SRRM2: variants seen among roughly 807,000 people sequenced by gnomAD.
SRRM2 encodes serine/arginine repetitive matrix 2.
SRRM2 carries 30 observed loss-of-function variants against 213.8 expected under a neutral mutation model. The ratio of observed to expected loss-of-function variants is 0.14; its 90% CI spans 0.10 to 0.19. SRRM2 has a LOEUF of 0.19. Among genes scored for constraint, SRRM2 ranks in the 10% least tolerant of loss-of-function variants. The pLI, the probability that SRRM2 is intolerant of heterozygous loss-of-function variation, is 1.00. For synonymous variants in SRRM2, 2,025 were observed against 1,377.7 expected, an observed-to-expected ratio of 1.47 and a Z score of -10.40; for missense variants, 4,904 against 3,647.0, an observed-to-expected ratio of 1.34 and a Z score of -8.88.
Position 2,762,650 on chromosome 16 carries a change from G to A in SRRM2, c.2122G>A (p.Val708Ile), listed in dbSNP as rs1480366948. ...AGGAAGATCCCGCAGTAGAAGCTTA[G>A]TTAGACGTGGAAGATCTCACTCTAG... is the stretch of plus-strand genomic sequence containing the variant. The part of the protein sequence containing the change: ...RRGRSRSRSL[V>I]RRGRSHSRTP... Residue 708 changes from valine (V) to isoleucine (I), a missense_variant, in exon 11 of 15, where the codon GTT becomes ATT. Coordinates refer to ENST00000301740, the MANE Select transcript of SRRM2 (RefSeq NM_016333.4). 6.2e-7 allele frequency: 1 copy of A among 1,614,130 alleles called. No individual in the cohort carries two copies. Among genetic ancestry groups the A allele is most frequent in the South Asian group, 1.1e-5 (1 of 91,074 alleles).
Position 2,764,306 on chromosome 16 carries a change from C to T in SRRM2, c.3778C>T (p.Leu1260Phe), listed in dbSNP as rs1280867687. The change falls in exon 11 of 15, where the codon CTT becomes TTT. Residue 1260 changes from leucine to phenylalanine, a missense_variant. Leu to Phe is a conservative substitution (Grantham distance 22). Coordinates refer to ENST00000301740, the MANE Select transcript of SRRM2 (RefSeq NM_016333.4). The stretch of plus-strand genomic sequence containing the variant: ...AATCCTGTCTCATTTGTCTTCAGAA[C>T]TTAAAGAAATGTCCACAAGTAACTT... Reference protein sequence around the residue: ...GQILSHLSSELKEMSTSNFES... With the variant: ...GQILSHLSSEFKEMSTSNFES... 1.2e-5 allele frequency: 19 copies of T among 1,614,092 alleles called. No individual in the cohort carries two copies. The highest frequency in any genetic ancestry group is 2.7e-5 in the African/African-American group (2 of 75,032).
In SRRM2 at chr16:2,763,310, A is replaced by C; in HGVS notation, c.2782A>C (p.Arg928=). ...KVKAIISPRQ[R]SHSGSSSPSP... is the part of the protein sequence containing the mutation. Reference sequence around the variant, plus strand: ...GAAGGCAATAATATCACCAAGACAAAGAAGCCATTCTGGCTCCTCTTCTCC... The same window carrying C: ...GAAGGCAATAATATCACCAAGACAACGAAGCCATTCTGGCTCCTCTTCTCC... Residue 928 remains arginine (R), a synonymous_variant, in exon 11 of 15, where the codon AGA becomes CGA. Coordinates refer to ENST00000301740, the MANE Select transcript of SRRM2 (RefSeq NM_016333.4). 1 of 1,614,074 alleles carries C rather than the reference A, an allele frequency of 6.2e-7. No individual in the cohort carries two copies. Among genetic ancestry groups the C allele is most frequent in the Non-Finnish European group, 8.5e-7 (1 of 1,179,930 alleles).
chr16:2,766,163 A>G lies in SRRM2; in HGVS notation c.5635A>G (p.Arg1879Gly). The G allele has an allele frequency of 6.2e-7, 1 of 1,614,176 alleles. No homozygotes were observed. The highest frequency in any genetic ancestry group is 8.5e-7 in the Non-Finnish European group (1 of 1,180,034). ...SPATHRRSRSRTPLISRRRSR... is the reference protein window; with the variant it reads ...SPATHRRSRSGTPLISRRRSR... ...AGCCACTCACCGGCGATCCAGGTCCAGAACCCCCCTGATAAGCCGACGTAG... is the reference window on the plus strand; with the variant it reads ...AGCCACTCACCGGCGATCCAGGTCCGGAACCCCCCTGATAAGCCGACGTAG... Residue 1879 changes from arginine (R) to glycine (G), a missense_variant, in exon 11 of 15, where the codon AGA becomes GGA. Physicochemically the swap from Arg to Gly is moderately radical, Grantham distance 125 (BLOSUM62 -2). Coordinates refer to ENST00000301740, the MANE Select transcript of SRRM2 (RefSeq NM_016333.4). This position sits in a 1 kb window ranked among gnomAD's most constrained non-coding sequence, Gnocchi z 7.0.
In SRRM2 at chr16:2,756,581, C is replaced by A; in HGVS notation, c.217C>A (p.Leu73Met). 6.2e-7 allele frequency: 1 copy of A among 1,613,422 alleles called. No individual in the cohort carries two copies. The highest frequency in any genetic ancestry group is 8.5e-7 in the Non-Finnish European group (1 of 1,179,676). The change falls in exon 2 of 15, where the codon CTG (leucine) becomes ATG (methionine). Residue 73 changes from leucine to methionine, a missense_variant. Transcript: ENST00000301740. ...GCGCGTCGAGCTGCGATGCCTCGAG[C>A]TGGAGGAGATGATGGAAGAGCAGGG... ...KRRVELRCLELEEMMEEQGYE... is the reference protein window; with the variant it reads ...KRRVELRCLEMEEMMEEQGYE...
chr16:2,757,382 A>G, intron 2 of SRRM2, 90 bp from the exon 3 acceptor site: 2 of 1,030,724 alleles, frequency 1.9e-6, no homozygotes, highest in Non-Finnish European at 3.0e-6. Context: ...ATGGAGAGGG[A>G]GGGGCCCCTT....
At position 2,761,565 on chromosome 16, in the gene SRRM2, C is replaced by T. The variant is rs149019598; in HGVS notation, c.1037C>T (p.Ser346Phe). 8.9e-4 allele frequency: 1,333 copies of T among 1,503,058 alleles called. 3 individuals are homozygous for T. Among genetic ancestry groups the T allele is most frequent in the Non-Finnish European group, 1.1e-3 (1,196 of 1,127,364 alleles). The allele number at this position is 1,503,058 out of a possible 1,614,324, so 93.1% of individuals were successfully genotyped here. A position where few individuals can be genotyped will look rare whatever the true frequency, so the allele number is the denominator to read the frequency against. ...TGCTCTCTCTTCCACTCTTAGAAAT[C>T]TGCAACTCGACCTAGCCCCTCTCCG... ...EDKDKDKKEK[S>F]ATRPSPSPER... is the part of the protein sequence containing the mutation. Residue 346 changes from serine to phenylalanine, a missense_variant, in exon 11 of 15, where the codon TCT becomes TTT. Ser to Phe is a radical substitution (Grantham distance 155). Coordinates refer to ENST00000301740, the MANE Select transcript of SRRM2 (RefSeq NM_016333.4).
Position 2,764,942 on chromosome 16 carries a change from A to T in SRRM2, c.4414A>T (p.Thr1472Ser). The T allele has an allele frequency of 6.2e-7, 1 of 1,614,144 alleles. No individual in the cohort carries two copies. The highest frequency in any genetic ancestry group is 8.5e-7 in the Non-Finnish European group (1 of 1,180,030). Residue 1472 changes from threonine (T) to serine (S), a missense_variant, in exon 11 of 15, where the codon ACG (threonine) becomes TCG (serine). Coordinates refer to ENST00000301740, the MANE Select transcript of SRRM2 (RefSeq NM_016333.4). ...TCCTGGAATGAAAGATATACCTAGA[A>T]CGCCATCTAGAGGGAGAAGCGAATG... ...SSPGMKDIPR[T>S]PSRGRSECDS...
chr16:2,754,166 T>C (rs1420974821), intron 1 of SRRM2, among the ~76,000 whole-genome samples: 1 of 152,214 alleles, frequency 6.6e-6, no homozygotes, highest in Non-Finnish European at 1.5e-5. Flanking sequence ...ACTTTCTGTG[T>C]CTTAACACAC....
Position 2,763,117 on chromosome 16 carries a change from A to C in SRRM2, c.2589A>C (p.Gln863His), listed in dbSNP as rs764490343. 1.2e-6 allele frequency: 2 copies of C among 1,614,170 alleles called. No individual in the cohort carries two copies. The change falls in exon 11 of 15, where the codon CAA becomes CAC. Residue 863 changes from glutamine (Q) to histidine (H), a missense_variant. Physicochemically the swap from Gln to His is conservative, Grantham distance 24. Transcript: ENST00000301740. ...TAACAAGTCCCCAGGCCAATGAGCAATCTGTAACGCCACAGAGACGGAGCT... is the reference window on the plus strand; with the variant it reads ...TAACAAGTCCCCAGGCCAATGAGCACTCTGTAACGCCACAGAGACGGAGCT... The part of the protein sequence containing the change: ...GSITSPQANE[Q>H]SVTPQRRSCF...
In SRRM2 at chr16:2,763,095, C is replaced by T. The variant is rs12185191; in HGVS notation, c.2567C>T (p.Thr856Ile). 7 of 1,614,196 alleles carry T rather than the reference C, an allele frequency of 4.3e-6. No individual in the cohort carries two copies. The highest frequency in any genetic ancestry group is 1.3e-5 in the African/African-American group (1 of 75,040). Residue 856 changes from threonine (T) to isoleucine (I), a missense_variant, in exon 11 of 15, where the codon ACA becomes ATA. Physicochemically the swap from Thr to Ile is moderately conservative, Grantham distance 89 (BLOSUM62 -1). Coordinates refer to ENST00000301740, the MANE Select transcript of SRRM2 (RefSeq NM_016333.4). The stretch of plus-strand genomic sequence containing the variant: ...ACACCACCGAGGCAAGGGTCCATAA[C>T]AAGTCCCCAGGCCAATGAGCAATCT... ...SGTPPRQGSI[T>I]SPQANEQSVT...
intron 10 of SRRM2, among the ~76,000 whole-genome samples, chr16:2,761,075 T>C (rs199624000): frequency 6.6e-6 from 1 of 152,258 alleles, no homozygotes; most frequent in East Asian, 1.9e-4. Context: ...TTTTGAATTA[T>C]ATTTAAGGCT....
In SRRM2 at chr16:2,767,215, C is replaced by T. The variant is rs141611303; in HGVS notation, c.6687C>T (p.Ala2229=). The T allele has an allele frequency of 1.6e-4, 261 of 1,614,204 alleles. 5 individuals are homozygous for T. The Middle Eastern group carries it at 0.011, about 66-fold the overall frequency. The change falls in exon 11 of 15, where the codon GCC becomes GCT. Residue 2229 remains alanine (A), a synonymous_variant. Transcript: ENST00000301740. ...SLRTAPAANL[A]SRIPAASAAA... ...GAACCGCACCAGCAGCCAACCTTGC[C>T]AGCAGGATTCCTGCAGCCTCTGCGG...
At chr16:2,754,022 T>C (rs2068046779) in intron 1 of SRRM2, among the ~76,000 whole-genome samples, 1 of 152,234 alleles carries the variant, frequency 6.6e-6, no homozygotes, top group South Asian at 2.1e-4. Flanking sequence ...AAGGGTGTTT[T>C]TGTCTTCCTT....
Position 2,763,058 on chromosome 16 carries a change from G to C in SRRM2, c.2530G>C (p.Val844Leu). The C allele has an allele frequency of 6.2e-7, 1 of 1,614,024 alleles. No homozygotes were observed. The highest frequency in any genetic ancestry group is 1.3e-5 in the African/African-American group (1 of 74,954). Residue 844 changes from valine (V) to leucine (L), a missense_variant, in exon 11 of 15, where the codon GTG (valine) becomes CTG (leucine). By Grantham distance (32) the Val-to-Leu change is conservative. Coordinates refer to ENST00000301740, the MANE Select transcript of SRRM2 (RefSeq NM_016333.4). The part of the protein sequence containing the change: ...SHSSSSPHPK[V>L]KSGTPPRQGS... ...TTCCAGTTCATCTCCTCATCCTAAA[G>C]TGAAATCTGGAACACCACCGAGGCA...
chr16:2,766,839 C>A lies in SRRM2; in HGVS notation c.6311C>A (p.Thr2104Lys). ...ACAAGAAATCATTCTGGTTCACGGA[C>A]ACCTCCAGTAGCACTCAACAGTTCC... ...PATRNHSGSR[T>K]PPVALNSSRM... The change falls in exon 11 of 15, where the codon ACA (threonine) becomes AAA (lysine). Residue 2104 changes from threonine to lysine, a missense_variant. Thr to Lys is a moderately conservative substitution (Grantham distance 78). Coordinates refer to ENST00000301740, the MANE Select transcript of SRRM2 (RefSeq NM_016333.4). The surrounding 1 kb of genome is among the most constrained non-coding windows in gnomAD (Gnocchi z 7.0). 6.2e-7 allele frequency: 1 copy of A among 1,614,212 alleles called. No individual in the cohort carries two copies. The highest frequency in any genetic ancestry group is 8.5e-7 in the Non-Finnish European group (1 of 1,180,042).
At position 2,768,261 on chromosome 16, in the gene SRRM2, G is replaced by A; in HGVS notation, c.7733G>A (p.Arg2578Lys). The change falls in exon 11 of 15, where the codon AGG becomes AAG. Residue 2578 changes from arginine (R) to lysine (K), a missense_variant and splice_region_variant. By Grantham distance (26) the Arg-to-Lys change is conservative. Coordinates refer to ENST00000301740, the MANE Select transcript of SRRM2 (RefSeq NM_016333.4). ...GTGCAACCTGAGGTGGCACTGAAGA[G>A]GTGAGGGAGCTTGACTTTTAGAAAT... ...LPVQPEVALK[R>K]VPSPTPAPKE... 1 of 1,538,008 alleles carries A rather than the reference G, an allele frequency of 6.5e-7. No homozygotes were observed. The highest frequency in any genetic ancestry group is 8.7e-7 in the Non-Finnish European group (1 of 1,145,456).
rs1372002960 is a variant in SRRM2 at position 2,761,612 on chromosome 16, G to A, written c.1084G>A (p.Glu362Lys). The change falls in exon 11 of 15, where the codon GAA (glutamate) becomes AAA (lysine). Residue 362 changes from glutamate (E) to lysine (K), a missense_variant. By Grantham distance (56) the Glu-to-Lys change is moderately conservative (BLOSUM62 1). Coordinates refer to ENST00000301740, the MANE Select transcript of SRRM2 (RefSeq NM_016333.4). ...TCCGGAAAGGAGCAGCACAGGCCCAGAACCACCTGCTCCCACTCCGCTCCT... is the reference window on the plus strand; with the variant it reads ...TCCGGAAAGGAGCAGCACAGGCCCAAAACCACCTGCTCCCACTCCGCTCCT... ...PSPERSSTGPEPPAPTPLLAE... is the reference protein window; with the variant it reads ...PSPERSSTGPKPPAPTPLLAE... 1 of 1,549,362 alleles carries A rather than the reference G, an allele frequency of 6.5e-7. No homozygotes were observed. Among genetic ancestry groups the A allele is most frequent in the African/African-American group, 1.4e-5 (1 of 72,336 alleles).
chr16:2,760,397 C>G lies in SRRM2; in HGVS notation c.930C>G (p.Phe310Leu). ...GACGCGGGGAGGGAGATGCGCCTTT[C>G]AGTGAACCAGGTACTACCAGCACAC... is the stretch of plus-strand genomic sequence containing the variant. ...SGRRGEGDAPFSEPGTTSTQR... is the reference protein window; with the variant it reads ...SGRRGEGDAPLSEPGTTSTQR... Residue 310 changes from phenylalanine to leucine, a missense_variant, in exon 10 of 15, where the codon TTC (phenylalanine) becomes TTG (leucine). Coordinates refer to ENST00000301740, the MANE Select transcript of SRRM2 (RefSeq NM_016333.4). The G allele has an allele frequency of 6.2e-7, 1 of 1,614,178 alleles. No individual in the cohort carries two copies. Among genetic ancestry groups the G allele is most frequent in the Non-Finnish European group, 8.5e-7 (1 of 1,180,036 alleles).
rs2068590710 is a variant in SRRM2 at position 2,767,694 on chromosome 16, C to T, written c.7166C>T (p.Ala2389Val). The T allele has an allele frequency of 1.2e-6, 2 of 1,613,890 alleles. No homozygotes were observed. Among genetic ancestry groups the T allele is most frequent in the Admixed American group, 3.3e-5 (2 of 59,990 alleles). The change falls in exon 11 of 15, where the codon GCC becomes GTC. Residue 2389 changes from alanine (A) to valine (V), a missense_variant. By Grantham distance (64) the Ala-to-Val change is moderately conservative (BLOSUM62 0). Transcript: ENST00000301740. ...ACCAGCCCCAGGGTGCCCCTTTCTGCCTACGAGCGTGTCAGTGGCAGAACC... is the reference window on the plus strand; with the variant it reads ...ACCAGCCCCAGGGTGCCCCTTTCTGTCTACGAGCGTGTCAGTGGCAGAACC... ...NLTSPRVPLSAYERVSGRTSP... is the reference protein window; with the variant it reads ...NLTSPRVPLSVYERVSGRTSP...
Sources: gnomAD v4.1 joint callset for allele counts (sites outside exome capture counted in the v4.1 genomes callset) on GRCh38, gnomAD v4.1.1 for gene constraint, Gnocchi (gnomAD v3.1) non-coding constraint, MANE v1.5 for transcripts, NCBI Gene and HGNC (gene_info 2026-07-23, HGNC 2026-07-21) for gene names.